The following CHM variants were observed in gnomAD, a reference collection of about 807,000 sequenced individuals.
CHM encodes CHM Rab escort protein, also known as rab proteins geranylgeranyltransferase component A 1.
In CHM, 10 loss-of-function variants were observed where a neutral mutation model predicts 49.0. The observed-to-expected ratio is 0.20, with a 90% CI of 0.13 to 0.35. The LOEUF is 0.35. CHM is among the 10% of genes least tolerant of loss of function. The pLI is 1.00. For missense variants in CHM, 455 were observed against 478.4 expected (o/e 0.95, Z 0.46); for synonymous variants, 184 against 167.5 (o/e 1.10, Z -0.76).
At chrX:85,937,332 C>T (rs1928843633) in intron 8 of CHM, among the ~76,000 whole-genome samples, 1 of 109,780 alleles carries the variant, frequency 9.1e-6, no homozygotes, top group Admixed American at 9.8e-5. Flanking sequence ...AAGATTTCAG[C>T]TCCAAACACT....
intron 8 of CHM, among the ~76,000 whole-genome samples, chrX:85,938,544 CT>C (rs528393414): frequency 2.4e-3 from 217 of 91,076 alleles, no homozygotes; most frequent in Middle Eastern, 5.7e-3. Flanking sequence ...GGTTCCTAAT[CT>C]TTTTTTTTTT....
At chrX:86,014,198 A>G (rs1933195990) in intron 2 of CHM, among the ~76,000 whole-genome samples, 1 of 112,103 alleles carries the variant, frequency 8.9e-6, no homozygotes, top group Admixed American at 9.4e-5. Context: ...AGAAGATCCA[A>G]TATATTTCTA....
intron 12 of CHM, among the ~76,000 whole-genome samples, chrX:85,881,238 T>A (rs963437300): frequency 8.9e-6 from 1 of 111,979 alleles, no homozygotes; most frequent in Non-Finnish European, 1.9e-5. Flanking sequence ...GTTTCTTGTA[T>A]AAAATTTGGG....
At position 85,894,235 on chromosome X, in the gene CHM, C is replaced by G; in HGVS notation, c.1463G>C (p.Arg488Pro). 1.7e-6 allele frequency: 2 copies of G among 1,210,367 alleles called. No homozygotes were observed. The highest frequency in any genetic ancestry group is 2.2e-6 in the Non-Finnish European group (2 of 894,735). The change falls in exon 12 of 15, where the codon CGG becomes CCG. Residue 488 changes from arginine (R) to proline (P), a missense_variant. Physicochemically the swap from Arg to Pro is moderately radical, Grantham distance 103. Transcript: ENST00000357749. ...CGTTGAAGAACATAACTCAATGACC[C>G]GAACAGCAAAAGTTCCTGGTTCCTC... ...PAEEPGTFAV[R>P]VIELCSSTMT... is the part of the protein sequence containing the mutation.
intron 12 of CHM, among the ~76,000 whole-genome samples, chrX:85,884,286 G>A (rs1025591898): frequency 9.0e-6 from 1 of 110,866 alleles, no homozygotes; most frequent in Non-Finnish European, 1.9e-5. Flanking sequence ...ATGCAATAAC[G>A]ATGCTAACCC....
intron 13 of CHM, 44 bp downstream of exon 13, chrX:85,878,921 G>A (rs1569395847): frequency 1.1e-6 from 1 of 935,813 alleles, no homozygotes. Flanking sequence ...GATTATGATG[G>A]TTACATTACC....
At chrX:85,890,167 C>T (rs982746078) in intron 12 of CHM, among the ~76,000 whole-genome samples, 4 of 111,443 alleles carry the variant, frequency 3.6e-5, no homozygotes, top group Non-Finnish European at 7.5e-5. Flanking sequence ...TTGTAATGAA[C>T]CTGTGCATAT....
intron 2 of CHM, among the ~76,000 whole-genome samples, chrX:85,992,778 T>C (rs1467401970): frequency 1.8e-5 from 2 of 112,176 alleles, no homozygotes; most frequent in Non-Finnish European, 3.8e-5. Context: ...TGTTTTGAAA[T>C]GTTACTTGGT....
At chrX:85,945,124 G>A (rs5923408) in intron 8 of CHM, among the ~76,000 whole-genome samples, 25,000 of 110,306 alleles carry the variant, frequency 0.23, 2,169 homozygotes, top group Non-Finnish European at 0.25. Flanking sequence ...ATGCTGGGAC[G>A]TACCTGAAGG....
intron 2 of CHM, among the ~76,000 whole-genome samples, chrX:86,011,594 G>C (rs1233958063): frequency 8.9e-6 from 1 of 111,768 alleles, no homozygotes; most frequent in Admixed American, 9.5e-5. Context: ...TTGGCCCAAG[G>C]TGGTAGACAA....
chrX:85,868,018 ACTGTGT>A (rs1394258876), intron 14 of CHM, among the ~76,000 whole-genome samples: 33 of 87,173 alleles, frequency 3.8e-4, no homozygotes, highest in African/African-American at 1.3e-3. Flanking sequence ...AATAGTTACC[ACTGTGT>A]GTGTGTGTGT....
chrX:86,025,708 G>A (rs1334641587), intron 2 of CHM, among the ~76,000 whole-genome samples: 3 of 86,957 alleles, frequency 3.4e-5, no homozygotes, highest in Admixed American at 1.2e-4. Context: ...GAAAGAAAAA[G>A]AAAAAGGAAA....
intron 8 of CHM, among the ~76,000 whole-genome samples, chrX:85,923,801 G>A (rs760661817): frequency 2.7e-5 from 3 of 110,820 alleles, no homozygotes; most frequent in Non-Finnish European, 5.7e-5. Flanking sequence ...GGGTATTCAG[G>A]GACAGTCTCT....
chrX:85,904,114 A>C (rs1436661519), intron 9 of CHM, among the ~76,000 whole-genome samples: 33 of 111,825 alleles, frequency 3.0e-4, no homozygotes, highest in Non-Finnish European at 1.9e-5. Flanking sequence ...ATGACATTTA[A>C]TTAACAGAAA....
intron 8 of CHM, among the ~76,000 whole-genome samples, chrX:85,944,227 A>G (rs1929282413): frequency 8.9e-6 from 1 of 112,158 alleles, no homozygotes; most frequent in Non-Finnish European, 1.9e-5. Context: ...GAAAAACACA[A>G]TGGTTATCAT....
intron 12 of CHM, among the ~76,000 whole-genome samples, chrX:85,890,665 A>G (rs1310646679): frequency 1.8e-5 from 2 of 112,225 alleles, no homozygotes; most frequent in Admixed American, 1.9e-4. Flanking sequence ...ATGGAACTGT[A>G]AGTCCAATTA....
intron 12 of CHM, among the ~76,000 whole-genome samples, chrX:85,881,258 G>A (rs189255623): frequency 3.6e-5 from 4 of 111,706 alleles, no homozygotes; most frequent in Admixed American, 9.5e-5. Flanking sequence ...GAAATTATCT[G>A]ATTTACCAGG....
intron 8 of CHM, among the ~76,000 whole-genome samples, chrX:85,951,450 A>C (rs1929743080): frequency 9.0e-6 from 1 of 111,465 alleles, no homozygotes; most frequent in Non-Finnish European, 1.9e-5. Flanking sequence ...ATGACCTCCC[A>C]AAAAAAGCTA....
At chrX:85,972,378 G>T (rs1005669171) in intron 4 of CHM, among the ~76,000 whole-genome samples, 2 of 113,507 alleles carry the variant, frequency 1.8e-5, no homozygotes, top group African/African-American at 6.4e-5. Context: ...GCCCTTGGGC[G>T]GTTGATGGGA....
Sources: gnomAD v4.1 joint callset for allele counts (sites outside exome capture counted in the v4.1 genomes callset) on GRCh38, gnomAD v4.1.1 for gene constraint, MANE v1.5 for transcripts, NCBI Gene and HGNC (gene_info 2026-07-23, HGNC 2026-07-21) for gene names.